The following TGFA variants were observed in gnomAD, a reference collection of about 807,000 sequenced individuals.
TGFA encodes transforming growth factor alpha.
TGFA carries 12 observed loss-of-function variants against 21.7 expected under a neutral mutation model. That is an observed-to-expected ratio of 0.55 (90% confidence interval 0.35 to 0.90). The LOEUF (loss-of-function observed/expected upper bound fraction) is 0.90, where lower values mean the gene tolerates loss of function less well. Among genes scored for constraint, TGFA ranks in the 40% least tolerant of loss-of-function variants. The pLI, the probability that TGFA is intolerant of heterozygous loss-of-function variation, is 0.01. For missense variants in TGFA, 178 were observed against 210.8 expected (o/e 0.84, Z 0.96); for synonymous variants, 79 against 88.1 (o/e 0.90, Z 0.58).
At chr2:70,465,565 A>G (rs1553492038) in intron 3 of TGFA, 51 bp downstream of exon 3, 2 of 1,611,218 alleles carry the variant, frequency 1.2e-6, no homozygotes, top group East Asian at 4.5e-5. Flanking sequence ...TTCTAATTGG[A>G]TATTGGACTG....
chr2:70,466,340 T>G (rs1218484776), intron 2 of TGFA, among the ~76,000 whole-genome samples: 13 of 152,140 alleles, frequency 8.5e-5, no homozygotes, highest in Admixed American at 8.5e-4. Flanking sequence ...CACCCGTCTC[T>G]ACTAAAAATA....
intron 2 of TGFA, among the ~76,000 whole-genome samples, chr2:70,492,404 G>T (rs1553497809): frequency 6.6e-6 from 1 of 152,178 alleles, no homozygotes; most frequent in Non-Finnish European, 1.5e-5. Context: ...GCTGGACTGT[G>T]GTCCCTTGAG....
intron 1 of TGFA, among the ~76,000 whole-genome samples, chr2:70,524,545 C>T (rs573938235): frequency 6.6e-6 from 1 of 152,352 alleles, no homozygotes; most frequent in South Asian, 2.1e-4. Flanking sequence ...TGCTGAATCA[C>T]CAACAGGCTC....
chr2:70,492,576 C>T (rs139778472), intron 2 of TGFA, among the ~76,000 whole-genome samples: 8 of 152,340 alleles, frequency 5.3e-5, no homozygotes, highest in East Asian at 1.9e-4. Context: ...CATTCCAGAG[C>T]GCCACGACTG....
intron 1 of TGFA, among the ~76,000 whole-genome samples, chr2:70,536,633 A>G (rs555686096): frequency 2.0e-5 from 3 of 152,350 alleles, no homozygotes; most frequent in African/African-American, 7.2e-5. Context: ...GAGCAGTTAA[A>G]AATATTTTGA....
chr2:70,517,800 C>T (rs782066108), intron 1 of TGFA, among the ~76,000 whole-genome samples: 9 of 152,254 alleles, frequency 5.9e-5, no homozygotes, highest in Non-Finnish European at 7.3e-5. Context: ...ACTCTGCAGG[C>T]CCAGCGGCTG....
intron 1 of TGFA, among the ~76,000 whole-genome samples, chr2:70,531,637 A>G (rs1672816557): frequency 6.6e-6 from 1 of 152,236 alleles, no homozygotes; most frequent in South Asian, 2.1e-4. Flanking sequence ...TTCCTGCTGA[A>G]CTCAGATGCA....
intron 1 of TGFA, among the ~76,000 whole-genome samples, chr2:70,539,580 A>G (rs417426): frequency 0.58 from 88,360 of 151,996 alleles, 25,839 homozygotes; most frequent in African/African-American, 0.63. Flanking sequence ...TCAGCTTCTC[A>G]AGTAGCTGGG....
intron 2 of TGFA, among the ~76,000 whole-genome samples, chr2:70,505,595 C>T (rs897404435): frequency 2.0e-5 from 3 of 151,778 alleles, no homozygotes; most frequent in South Asian, 2.1e-4. Context: ...GAGACATGCT[C>T]ATTAAATCCA....
intron 1 of TGFA, among the ~76,000 whole-genome samples, chr2:70,530,718 A>C (rs373346631): frequency 6.6e-6 from 1 of 152,332 alleles, no homozygotes; most frequent in East Asian, 1.9e-4. Context: ...GGAAGCTCAC[A>C]CAGTGTCTCA....
rs551117755 is a variant in TGFA, at chr2:70,448,255, C to T, written c.*2604G>A. 6.6e-6 allele frequency: 1 copy of T among 152,256 alleles called. No homozygotes were observed. The highest frequency in any genetic ancestry group is 6.5e-5 in the Admixed American group (1 of 15,288). The allele number at this position is 152,256 out of a possible 1,614,324, so 9.4% of individuals were successfully genotyped here. ...TCAGGATGCTTAAAAAAAGTCACAG[C>T]CTGTAGAGCAGTGGGAAAAATCCAG... is the stretch of plus-strand genomic sequence containing the variant. On this transcript the variant is annotated 3_prime_UTR_variant, in exon 6 of 6. Transcript: ENST00000295400.
chr2:70,508,375 G>A (rs531239137), intron 2 of TGFA, among the ~76,000 whole-genome samples: 20 of 152,170 alleles, frequency 1.3e-4, no homozygotes, highest in Non-Finnish European at 2.6e-4. Flanking sequence ...AATCTGGGAG[G>A]CAGAGGTTGC....
At chr2:70,461,021 G>T (rs929700403) in intron 3 of TGFA, among the ~76,000 whole-genome samples, 1 of 152,168 alleles carries the variant, frequency 6.6e-6, no homozygotes, top group Non-Finnish European at 1.5e-5. Context: ...AGTGGCTCTT[G>T]TCATAGGCAG....
At chr2:70,507,555 T>C (rs62151575) in intron 2 of TGFA, among the ~76,000 whole-genome samples, 19,571 of 152,236 alleles carry the variant, frequency 0.13, 1,375 homozygotes, top group Non-Finnish European at 0.14. Context: ...CTTGTTGACA[T>C]TGGCTACTTT....
intron 2 of TGFA, among the ~76,000 whole-genome samples, chr2:70,484,313 T>C (rs1422144950): frequency 6.6e-6 from 1 of 152,230 alleles, no homozygotes; most frequent in Non-Finnish European, 1.5e-5. Flanking sequence ...TGAAGTTTGT[T>C]GCCAAACCAC....
chr2:70,468,788 A>C (rs1287391897), intron 2 of TGFA, among the ~76,000 whole-genome samples: 1 of 152,176 alleles, frequency 6.6e-6, no homozygotes, highest in Non-Finnish European at 1.5e-5. Flanking sequence ...GTTGCAGAGA[A>C]ACAAGCCCAG....
At chr2:70,542,452 C>G (rs1438496676) in intron 1 of TGFA, among the ~76,000 whole-genome samples, 1 of 152,112 alleles carries the variant, frequency 6.6e-6, no homozygotes, top group Non-Finnish European at 1.5e-5. Flanking sequence ...CTAAGGAACC[C>G]AAGCTGAAGA....
At chr2:70,518,691 G>C (rs562345635) in intron 1 of TGFA, among the ~76,000 whole-genome samples, 1 of 152,154 alleles carries the variant, frequency 6.6e-6, no homozygotes, top group Non-Finnish European at 1.5e-5. Context: ...TGCCTTCAGC[G>C]TCAGACACCC....
At chr2:70,546,468 A>C (rs781902751) in intron 1 of TGFA, among the ~76,000 whole-genome samples, 5 of 151,896 alleles carry the variant, frequency 3.3e-5, no homozygotes, top group Non-Finnish European at 7.4e-5. Context: ...CCCTCTCTCC[A>C]TCCCAATGAA....
Sources: allele counts gnomAD v4.1 joint callset (sites outside exome capture counted in the v4.1 genomes callset), GRCh38; gene constraint gnomAD v4.1.1; transcripts MANE v1.5; gene names NCBI Gene and HGNC (gene_info 2026-07-23, HGNC 2026-07-21).